ZNF676: variants seen among roughly 807,000 people sequenced by gnomAD.
ZNF676 encodes zinc finger protein 676.
ZNF676 carries 4 observed loss-of-function variants against 6.0 expected under a neutral mutation model. That is an observed-to-expected ratio of 0.67 (90% CI 0.33 to 1.53). The LOEUF (loss-of-function observed/expected upper bound fraction) is 1.53. Ranked by LOEUF, ZNF676 falls within the 40% of genes most tolerant of loss-of-function variation. The pLI is 0.06. For missense variants in ZNF676, 644 were observed against 679.7 expected (o/e 0.95, Z 0.58); for synonymous variants, 198 against 223.1 (o/e 0.89, Z 1.00).
upstream of ZNF676, among the ~76,000 whole-genome samples, chr19:22,216,252 T>G (rs2024188372): frequency 6.6e-6 from 1 of 152,118 alleles, no homozygotes; most frequent in South Asian, 2.1e-4. Context: ...CTGGTTGACA[T>G]GGTGAAACCC....
At chr19:22,215,799 C>A, upstream of ZNF676, 8 of 262,886 alleles carry the variant, frequency 3.0e-5, no homozygotes, top group South Asian at 4.1e-4. Context: ...CCGACCTGTC[C>A]CCCCCCCCAG....
chr19:22,211,715 T>C (rs2024130762), intron 1 of ZNF676, among the ~76,000 whole-genome samples: 1 of 152,178 alleles, frequency 6.6e-6, no homozygotes, highest in African/African-American at 2.4e-5. Flanking sequence ...ATACTTACTT[T>C]TGCAAATTTA....
chr19:22,179,981 T>G lies in ZNF676; in HGVS notation c.1736A>C (p.His579Pro). 6.2e-7 allele frequency: 1 copy of G among 1,613,814 alleles called. No individual in the cohort carries two copies. The highest frequency in any genetic ancestry group is 8.5e-7 in the Non-Finnish European group (1 of 1,179,846). The change falls in exon 3 of 3, where the codon CAT becomes CCT. Residue 579 changes from histidine to proline, a missense_variant. By Grantham distance (77) the His-to-Pro change is moderately conservative. Around this residue, in one of 5 missense-constraint regions of ZNF676, gnomAD observed 306 missense variants for 265.4 expected, o/e 1.15. Transcript: ENST00000397121. ...ATTCTCTCCAGTATGAATTTTCTTA[T>G]GATAACTAACAGTTGAGGATGACTT... ...AFKSSSTVSYHKKIHTGENP is the reference protein window; with the variant it reads ...AFKSSSTVSYPKKIHTGENP
intron 1 of ZNF676, among the ~76,000 whole-genome samples, chr19:22,194,608 G>A (rs1230744461): frequency 6.6e-6 from 1 of 152,038 alleles, no homozygotes; most frequent in African/African-American, 2.4e-5. Flanking sequence ...TCCCCACCCC[G>A]AGCAGAAAAA....
At chr19:22,253,404 G>GTGTATATATATATATA in the ZNF676 span, among the ~76,000 whole-genome samples, 2,463 of 96,554 alleles carry the variant, frequency 0.026, 69 homozygotes, top group East Asian at 0.14. Context: ...ATGATAATGT[G>GTGTATATATATATATA]TATATATATA....
chr19:22,203,238 T>C (rs923478080), intron 1 of ZNF676: 1 of 157,080 alleles, frequency 6.4e-6, no homozygotes, highest in African/African-American at 2.4e-5. Flanking sequence ...TTTTTATTTA[T>C]AATGGCGGCA....
At chr19:22,214,633 A>G (rs1225306776) in intron 1 of ZNF676, among the ~76,000 whole-genome samples, 1 of 149,720 alleles carries the variant, frequency 6.7e-6, no homozygotes, top group Non-Finnish European at 1.5e-5. Flanking sequence ...ATTCAAATGT[A>G]TTTTTTTTAA....
chr19:22,193,638 A>G (rs181727870), intron 1 of ZNF676, among the ~76,000 whole-genome samples: 122 of 152,280 alleles, frequency 8.0e-4, no homozygotes, highest in Non-Finnish European at 3.4e-4. Context: ...TAAGCAGGAA[A>G]AAGGAGAGGA....
the ZNF676 span, among the ~76,000 whole-genome samples, chr19:22,258,703 T>C: frequency 6.6e-6 from 1 of 151,926 alleles, no homozygotes. Flanking sequence ...AACCTGGATG[T>C]TGGGTGCAGT....
the ZNF676 span, among the ~76,000 whole-genome samples, chr19:22,225,821 G>A: frequency 6.6e-6 from 1 of 152,038 alleles, no homozygotes; most frequent in East Asian, 1.9e-4. Context: ...TTTAAGAGTT[G>A]CTTATATATT....
chr19:22,194,469 T>C (rs183523026), intron 1 of ZNF676, among the ~76,000 whole-genome samples: 7 of 152,150 alleles, frequency 4.6e-5, no homozygotes, highest in South Asian at 2.1e-4. Context: ...AGTTTAGTAG[T>C]TGACAGATCT....
At chr19:22,245,544 G>A in the ZNF676 span, among the ~76,000 whole-genome samples, 81 of 139,076 alleles carry the variant, frequency 5.8e-4, no homozygotes, top group South Asian at 0.017. Context: ...ACAAGCAGGT[G>A]CCTCCCAATT....
the ZNF676 span, among the ~76,000 whole-genome samples, chr19:22,237,876 CCTGGTGAGG>C: frequency 6.6e-6 from 1 of 152,156 alleles, no homozygotes. Context: ...ACAGTAGACA[CCTGGTGAGG>C]CTGTGCATAC....
the ZNF676 span, among the ~76,000 whole-genome samples, chr19:22,230,572 AATC>A: frequency 6.6e-6 from 1 of 151,608 alleles, no homozygotes; most frequent in Non-Finnish European, 1.5e-5. Flanking sequence ...AATGACACAT[AATC>A]ATATCTATAT....
the ZNF676 span, among the ~76,000 whole-genome samples, chr19:22,258,576 G>A: frequency 1.3e-4 from 20 of 152,282 alleles, no homozygotes; most frequent in African/African-American, 3.6e-4. Context: ...TGGTCACAGC[G>A]ATACGTCAGA....
intron 1 of ZNF676, among the ~76,000 whole-genome samples, chr19:22,202,911 G>A (rs148759595): frequency 4.7e-4 from 72 of 152,162 alleles, no homozygotes; most frequent in African/African-American, 1.7e-3. Context: ...GTGTTGATTC[G>A]GGTGCTATCT....
chr19:22,182,592 A>AAAAAAAAAAAAAAAAC (rs1568525830), intron 2 of ZNF676, among the ~76,000 whole-genome samples: 2 of 132,398 alleles, frequency 1.5e-5, no homozygotes, highest in African/African-American at 5.2e-5. Context: ...TTCTAAAAAA[A>AAAAAAAAAAAAAAAAC]AAAAAAAAAA....
At chr19:22,215,478 C>T (rs2024175064) in intron 1 of ZNF676, among the ~76,000 whole-genome samples, 2 of 152,130 alleles carry the variant, frequency 1.3e-5, no homozygotes, top group African/African-American at 4.8e-5. Flanking sequence ...CCCGCGCAGC[C>T]GCCATCTTAT....
At chr19:22,218,845 C>G (rs149857963), upstream of ZNF676, among the ~76,000 whole-genome samples, 10 of 152,154 alleles carry the variant, frequency 6.6e-5, no homozygotes, top group Middle Eastern at 0.014. Context: ...CCATACAATG[C>G]TGTTTTGGTA....
Sources: gnomAD v4.1 joint callset for allele counts (sites outside exome capture counted in the v4.1 genomes callset) on GRCh38, gnomAD v4.1.1 for gene constraint, gnomAD v4.1.1 regional missense constraint, MANE v1.5 for transcripts, NCBI Gene and HGNC (gene_info 2026-07-23, HGNC 2026-07-21) for gene names.